EXOC6: variants seen among roughly 807,000 people sequenced by gnomAD.
The protein encoded by EXOC6 is exocyst complex component 6.
Under a neutral mutation model 112.5 loss-of-function variants are expected in EXOC6, and 60 were observed. The ratio of observed to expected loss-of-function variants is 0.53; its 90% CI spans 0.43 to 0.66. The LOEUF (loss-of-function observed/expected upper bound fraction) is 0.66. Among genes scored for constraint, EXOC6 ranks in the 30% least tolerant of loss-of-function variants. The pLI is 0.00. For missense variants in EXOC6, 855 were observed against 957.1 expected, an observed-to-expected ratio of 0.89 and a Z score of 1.41; for synonymous variants, 295 against 308.0, an observed-to-expected ratio of 0.96 and a Z score of 0.44.
At chr10:92,903,253 A>T (rs1850271467) in intron 5 of EXOC6, among the ~76,000 whole-genome samples, 1 of 152,098 alleles carries the variant, frequency 6.6e-6, no homozygotes, top group Non-Finnish European at 1.5e-5. Flanking sequence ...CATCCTTGCA[A>T]ACGTATGGTG....
At chr10:93,038,223 T>G (rs1306678571) in intron 20 of EXOC6, among the ~76,000 whole-genome samples, 4 of 152,080 alleles carry the variant, frequency 2.6e-5, no homozygotes, top group African/African-American at 9.7e-5. Flanking sequence ...GTGGATATTA[T>G]AACCACAATT....
At chr10:92,994,764 CAAT>C (rs201352845) in intron 18 of EXOC6, among the ~76,000 whole-genome samples, 1,731 of 150,584 alleles carry the variant, frequency 0.011, 34 homozygotes, top group African/African-American at 0.039. Flanking sequence ...TTAAAGGCAT[CAAT>C]AATAATAATA....
chr10:92,982,116 A>AAAAAAAACCAAAC (rs1338364265), intron 18 of EXOC6, among the ~76,000 whole-genome samples: 4 of 151,956 alleles, frequency 2.6e-5, no homozygotes, highest in Admixed American at 2.0e-4. Context: ...ACTCCGTCTC[A>AAAAAAAACCAAAC]AAAAAAACCA....
intron 18 of EXOC6, among the ~76,000 whole-genome samples, chr10:92,989,502 A>C (rs1170618619): frequency 2.0e-5 from 3 of 152,232 alleles, no homozygotes; most frequent in African/African-American, 7.2e-5. Context: ...CTAAAACCAC[A>C]GCTCTCTAGA....
At chr10:92,830,563 G>A (rs1247627879), upstream of EXOC6, among the ~76,000 whole-genome samples, 2 of 152,178 alleles carry the variant, frequency 1.3e-5, no homozygotes, top group East Asian at 1.9e-4. Flanking sequence ...GATAATTCAT[G>A]TGTATGTGTG....
chr10:92,932,877 T>C (rs146979091), intron 9 of EXOC6, among the ~76,000 whole-genome samples: 1 of 152,262 alleles, frequency 6.6e-6, no homozygotes, highest in African/African-American at 2.4e-5. Context: ...AGAATTAAAA[T>C]ACACAACAGT....
chr10:92,829,837 G>A (rs764403675), upstream of EXOC6, among the ~76,000 whole-genome samples: 19 of 152,168 alleles, frequency 1.2e-4, no homozygotes, highest in Non-Finnish European at 2.4e-4. Context: ...GGTGATGAGA[G>A]TGACTTCTGA....
chr10:92,926,655 G>A (rs1440192084), intron 8 of EXOC6, among the ~76,000 whole-genome samples: 3 of 151,950 alleles, frequency 2.0e-5, no homozygotes, highest in South Asian at 2.1e-4. Flanking sequence ...TGTCTCAGCC[G>A]CTTGAGTAGT....
intron 15 of EXOC6, 45 bp from the exon 16 acceptor site, chr10:92,954,585 C>T (rs1194224885): frequency 1.1e-6 from 1 of 920,204 alleles, no homozygotes; most frequent in Non-Finnish European, 1.7e-6. Context: ...TAACTAACCA[C>T]ATTCATTATT....
intron 18 of EXOC6, among the ~76,000 whole-genome samples, chr10:92,985,142 C>G (rs1192885109): frequency 6.6e-6 from 1 of 152,136 alleles, no homozygotes; most frequent in African/African-American, 2.4e-5. Flanking sequence ...CTCCCTGCAT[C>G]AGGATCCTCA....
intron 17 of EXOC6, among the ~76,000 whole-genome samples, chr10:92,956,142 T>G (rs2134021689): frequency 6.6e-6 from 1 of 152,278 alleles, no homozygotes; most frequent in East Asian, 1.9e-4. Context: ...ATTGAAGTCC[T>G]ACCTCTTTTG....
chr10:93,011,472 G>C (rs1844243804), intron 19 of EXOC6, among the ~76,000 whole-genome samples: 1 of 151,902 alleles, frequency 6.6e-6, no homozygotes, highest in Non-Finnish European at 1.5e-5. Context: ...TGTTGCCCAG[G>C]CTGGTCTTAA....
chr10:92,896,864 G>T (rs1849857354), intron 4 of EXOC6, among the ~76,000 whole-genome samples: 1 of 152,076 alleles, frequency 6.6e-6, no homozygotes, highest in Non-Finnish European at 1.5e-5. Flanking sequence ...CCTGTTTTTT[G>T]ACTTGTGAGA....
At chr10:93,006,988 C>T (rs1844016616) in intron 19 of EXOC6, among the ~76,000 whole-genome samples, 2 of 150,382 alleles carry the variant, frequency 1.3e-5, no homozygotes, top group Middle Eastern at 3.4e-3. Context: ...CTTTTTCTCC[C>T]CCACCCTCTT....
At chr10:92,842,499 A>G (rs1196540248) in intron 1 of EXOC6, among the ~76,000 whole-genome samples, 1 of 151,462 alleles carries the variant, frequency 6.6e-6, no homozygotes, top group Admixed American at 6.6e-5. Context: ...TTCAAATCCT[A>G]TTTTGCCAAG....
chr10:92,859,007 C>T (rs1270964821), intron 1 of EXOC6, among the ~76,000 whole-genome samples: 1 of 152,220 alleles, frequency 6.6e-6, no homozygotes, highest in African/African-American at 2.4e-5. Flanking sequence ...TCAGGTGATC[C>T]ACCTGCATCG....
intron 9 of EXOC6, among the ~76,000 whole-genome samples, chr10:92,930,469 C>T (rs1564839542): frequency 1.3e-5 from 2 of 151,964 alleles, no homozygotes; most frequent in South Asian, 2.1e-4. Flanking sequence ...CACCATTGCA[C>T]TCCAGCCTGG....
intron 8 of EXOC6, among the ~76,000 whole-genome samples, chr10:92,925,287 G>A (rs1851653304): frequency 6.6e-6 from 1 of 151,810 alleles, no homozygotes; most frequent in African/African-American, 2.4e-5. Context: ...ACTGCTTTTT[G>A]TAATTCCATA....
intron 20 of EXOC6, among the ~76,000 whole-genome samples, chr10:93,023,805 TC>T (rs1162726231): frequency 6.6e-6 from 1 of 152,220 alleles, no homozygotes; most frequent in Non-Finnish European, 1.5e-5. Context: ...ATATTAAGAT[TC>T]TTTGTATAAT....
Sources: allele counts gnomAD v4.1 joint callset (sites outside exome capture counted in the v4.1 genomes callset), GRCh38; gene constraint gnomAD v4.1.1; transcripts MANE v1.5; gene names NCBI Gene and HGNC (gene_info 2026-07-23, HGNC 2026-07-21).